Variants in CDKL5 observed in about 807,000 individuals in gnomAD.
CDKL5 encodes cyclin-dependent kinase-like 5.
In CDKL5, 8 loss-of-function variants were observed where a neutral mutation model predicts 61.7. The ratio of observed to expected loss-of-function variants is 0.13; its 90% CI spans 0.08 to 0.23. CDKL5 has a LOEUF of 0.23. Among genes scored for constraint, CDKL5 ranks in the 10% least tolerant of loss-of-function variants. The pLI is 1.00. For missense variants in CDKL5, 440 were observed against 734.5 expected (o/e 0.60, Z 4.63); for synonymous variants, 275 against 272.3 (o/e 1.01, Z -0.10).
intron 1 of CDKL5, among the ~76,000 whole-genome samples, chrX:18,455,722 G>GT (rs1697499143): frequency 8.9e-6 from 1 of 112,575 alleles, no homozygotes; most frequent in African/African-American, 3.2e-5. Flanking sequence ...GAAGATAATC[G>GT]TAACAATTAT....
In CDKL5 at chrX:18,618,404, C is replaced by T. The variant is rs188894185; in HGVS notation, c.2277-1463C>T. Among the ~76,000 whole-genome samples, 10 of 111,742 alleles carry T rather than the reference C, an allele frequency of 8.9e-5. No homozygotes were observed. In the East Asian group the frequency reaches 2.5e-3, roughly 28 times the overall value. ...ATAGTATTGCCATTTCTACTAGATG[C>T]TCTCTGAGGCTCCTTTCCATCCAGA... On this transcript the variant is annotated intron_variant, in intron 15 of 17. Transcript: ENST00000623535.
chrX:18,534,740 G>A (rs1355314379), intron 3 of CDKL5, among the ~76,000 whole-genome samples: 3 of 112,036 alleles, frequency 2.7e-5, no homozygotes, highest in Non-Finnish European at 5.6e-5. Context: ...CCTTTATTCT[G>A]GAATTGAAAG....
chrX:18,647,582 G>C, intron 20 of CDKL5: 1 of 388,644 alleles, frequency 2.6e-6, no homozygotes, highest in East Asian at 4.4e-5. Flanking sequence ...GAGGGAAGTG[G>C]CTCTATGGCA....
intron 3 of CDKL5, among the ~76,000 whole-genome samples, chrX:18,551,559 C>CATCATTATT (rs1555946099): frequency 2.5e-5 from 2 of 80,977 alleles, no homozygotes; most frequent in African/African-American, 4.5e-5. Flanking sequence ...GATACCTTGA[C>CATCATTATT]ATTATTATTA....
At chrX:18,616,024 C>T (rs1006005486) in intron 15 of CDKL5, among the ~76,000 whole-genome samples, 59 of 111,373 alleles carry the variant, frequency 5.3e-4, no homozygotes, top group South Asian at 3.8e-4. Flanking sequence ...AATAGGATAA[C>T]ACCCCTACCC....
In CDKL5 at chrX:18,629,318, C is replaced by A. The variant is rs898282185; in HGVS notation, c.*561C>A. On this transcript the variant is annotated 3_prime_UTR_variant, in exon 18 of 18. Coordinates refer to ENST00000623535, the MANE Select transcript of CDKL5 (RefSeq NM_001323289.2). The stretch of plus-strand genomic sequence containing the variant: ...ATAATTAATATTGTACTGTTAAAAT[C>A]ATATCTTTTATGTTATAATGTAAAG... 1 of 650,988 alleles carries A rather than the reference C, an allele frequency of 1.5e-6. No homozygotes were observed. Among genetic ancestry groups the A allele is most frequent in the South Asian group, 8.0e-5 (1 of 12,457 alleles). The allele number at this position is 650,988 out of a possible 1,213,427, so 53.6% of individuals were successfully genotyped here.
At chrX:18,642,905 G>A (rs1293479021), downstream of CDKL5, among the ~76,000 whole-genome samples, 1 of 110,372 alleles carries the variant, frequency 9.1e-6, no homozygotes, top group Admixed American at 9.6e-5. Flanking sequence ...TTAGCCAGGC[G>A]CAGTGGCAGG....
chrX:18,607,851 G>A (rs1266953203), intron 12 of CDKL5, among the ~76,000 whole-genome samples: 1 of 111,971 alleles, frequency 8.9e-6, no homozygotes, highest in Non-Finnish European at 1.9e-5. Flanking sequence ...TCATAAAATA[G>A]AAAGAAGGAA....
chrX:18,612,653 T>TAA (rs745865761), intron 14 of CDKL5, among the ~76,000 whole-genome samples: 7 of 91,761 alleles, frequency 7.6e-5, no homozygotes, highest in African/African-American at 2.1e-4. Flanking sequence ...GTCTCTTATT[T>TAA]AAAAAAAAAA....
chrX:18,430,898 G>T (rs1353773404), intron 1 of CDKL5, among the ~76,000 whole-genome samples: 1 of 105,848 alleles, frequency 9.4e-6, no homozygotes, highest in African/African-American at 3.5e-5. Context: ...CCCCCACTCT[G>T]TTGCCCAGGC....
chrX:18,615,990 A>G (rs1441289959), intron 15 of CDKL5, among the ~76,000 whole-genome samples: 1 of 111,937 alleles, frequency 8.9e-6, no homozygotes, highest in Non-Finnish European at 1.9e-5. Flanking sequence ...TAGAGTTAAT[A>G]TGGTGGGATT....
intron 1 of CDKL5, among the ~76,000 whole-genome samples, chrX:18,496,264 G>A (rs1385632976): frequency 8.9e-6 from 1 of 112,063 alleles, no homozygotes; most frequent in Non-Finnish European, 1.9e-5. Context: ...TCAGTACTTG[G>A]AGGATGATGT....
rs931691210 is a variant in CDKL5, at chrX:18,635,687, G to A, written c.*6930G>A. 10 of 654,885 alleles carry A rather than the reference G, an allele frequency of 1.5e-5. No homozygotes were observed. Among genetic ancestry groups the A allele is most frequent in the Non-Finnish European group, 1.8e-5 (10 of 549,766 alleles). The allele number at this position is 654,885 out of a possible 1,213,427, so 54.0% of individuals were successfully genotyped here. A position where few individuals can be genotyped will look rare whatever the true frequency, so the allele number is the denominator to read the frequency against. On this transcript the variant is annotated 3_prime_UTR_variant, in exon 18 of 18. Coordinates refer to ENST00000623535, the MANE Select transcript of CDKL5 (RefSeq NM_001323289.2). ...TACTTGAGTGTTGTCACCTTTGCACGTCGCTAGACACTCACGTGGTAGTTT... is the reference window on the plus strand; with the variant it reads ...TACTTGAGTGTTGTCACCTTTGCACATCGCTAGACACTCACGTGGTAGTTT...
Position 18,628,748 on chromosome X carries a change from A to G in CDKL5, c.2874A>G (p.Thr958=). The G allele has an allele frequency of 1.1e-6, 1 of 933,655 alleles. No homozygotes were observed. Among genetic ancestry groups the G allele is most frequent in the South Asian group, 2.2e-5 (1 of 45,223 alleles). 76.9% of individuals were successfully genotyped at this position (933,655 alleles called of 1,213,427 possible). A position where few individuals can be genotyped will look rare whatever the true frequency, so the allele number is the denominator to read the frequency against. ...RMPNLNDLKE[T]AL is the part of the protein sequence containing the mutation. Reference sequence around the variant, plus strand: ...CAAATCTGAATGATTTAAAAGAGACAGCCTTGTAATTTGTGCTGGTAGGGG... The same window carrying G: ...CAAATCTGAATGATTTAAAAGAGACGGCCTTGTAATTTGTGCTGGTAGGGG... The change falls in exon 18 of 18, where the codon ACA becomes ACG. Residue 958 remains threonine (T), a synonymous_variant. Transcript: ENST00000623535.
chrX:18,506,012 C>CATTT (rs1204181710), intron 1 of CDKL5, among the ~76,000 whole-genome samples: 1 of 112,805 alleles, frequency 8.9e-6, no homozygotes, highest in Non-Finnish European at 1.9e-5. Flanking sequence ...TCTTCTCCCC[C>CATTT]ATTTATTTAT....
Position 18,638,362 on chromosome X carries a change from C to T in CDKL5, c.*9605C>T, listed in dbSNP as rs1927458438. The T allele has an allele frequency of 1.8e-5, 2 of 111,199 alleles. No individual in the cohort carries two copies. Among genetic ancestry groups the T allele is most frequent in the Middle Eastern group, 4.6e-3 (1 of 217 alleles). The allele number at this position is 111,199 out of a possible 1,213,427, so 9.2% of individuals were successfully genotyped here. A position where few individuals can be genotyped will look rare whatever the true frequency, so the allele number is the denominator to read the frequency against. On this transcript the variant is annotated 3_prime_UTR_variant, in exon 18 of 18. Transcript: ENST00000623535. The stretch of plus-strand genomic sequence containing the variant: ...ATTTTTAAACAAACTCCAGTGTAGA[C>T]CGTGCTCTAGCATTTCTAAAAATAA...
intron 3 of CDKL5, among the ~76,000 whole-genome samples, chrX:18,532,034 G>A (rs1045491656): frequency 8.9e-6 from 1 of 112,253 alleles, no homozygotes; most frequent in Non-Finnish European, 1.9e-5. Context: ...AAGGACAGGA[G>A]TGATGGTATC....
chrX:18,549,537 A>G (rs1164997973), intron 3 of CDKL5, among the ~76,000 whole-genome samples: 4 of 112,232 alleles, frequency 3.6e-5, no homozygotes, highest in Admixed American at 1.9e-4. Context: ...TGGTCAATAA[A>G]TTGGTTTTTG....
At chrX:18,510,927 C>T (rs760186283) in intron 3 of CDKL5, 73 bp downstream of exon 3, 14 of 746,552 alleles carry the variant, frequency 1.9e-5, no homozygotes, top group Non-Finnish European at 2.7e-5. Context: ...GTGGTCTTTG[C>T]GTGTGGGCAT....
Sources: allele counts gnomAD v4.1 joint callset (sites outside exome capture counted in the v4.1 genomes callset), GRCh38; gene constraint gnomAD v4.1.1; transcripts MANE v1.5; gene names NCBI Gene and HGNC (gene_info 2026-07-23, HGNC 2026-07-21).